Variants in DCTD observed in about 807,000 individuals in gnomAD.
DCTD encodes the protein dCMP deaminase.
In DCTD, 23 loss-of-function variants were observed where a neutral mutation model predicts 21.0. The observed-to-expected ratio is 1.09, with a 90% CI of 0.79 to 1.55. The LOEUF is 1.55. Among genes scored for constraint, DCTD ranks in the 40% most tolerant of loss-of-function variants. DCTD has a pLI of 0.00. For synonymous variants in DCTD, 71 were observed against 81.1 expected, an observed-to-expected ratio of 0.88 and a Z score of 0.67; for missense variants, 224 against 230.0, an observed-to-expected ratio of 0.97 and a Z score of 0.17.
chr4:182,900,074 G>A (rs182541680), intron 3 of DCTD, among the ~76,000 whole-genome samples: 2 of 152,242 alleles, frequency 1.3e-5, no homozygotes, highest in Admixed American at 1.3e-4. Context: ...CAGCACTTTG[G>A]GAGGCCAAGT....
intron 3 of DCTD, among the ~76,000 whole-genome samples, chr4:182,907,708 G>A (rs928459570): frequency 4.6e-5 from 7 of 152,090 alleles, no homozygotes; most frequent in African/African-American, 1.2e-4. Context: ...TGATTTGACC[G>A]AGAACGCTTT....
At chr4:182,896,903 GT>G (rs1454323015) in intron 3 of DCTD, among the ~76,000 whole-genome samples, 1 of 152,184 alleles carries the variant, frequency 6.6e-6, no homozygotes, top group East Asian at 1.9e-4. Flanking sequence ...TGATGGTGAC[GT>G]TCGGAAGTAC....
Position 182,912,118 on chromosome 4 carries a change from T to A in DCTD, c.244+2805A>T, listed in dbSNP as rs186888773. On this transcript the variant is annotated intron_variant, in intron 3 of 5. Transcript: ENST00000438320. The stretch of plus-strand genomic sequence containing the variant: ...CTCCAGGCAGTATCCCCTTATTTTT[T>A]AAATTAATTTTGAAAATCTTAAAAC... Among the ~76,000 whole-genome samples, 1,486 of 149,348 alleles carry A rather than the reference T, an allele frequency of 9.9e-3. 25 individuals are homozygous for A. The highest frequency in any genetic ancestry group is 0.034 in the African/African-American group (1,375 of 40,540).
At chr4:182,909,157 T>G in intron 3 of DCTD, among the ~76,000 whole-genome samples, 2 of 152,324 alleles carry the variant, frequency 1.3e-5, no homozygotes, top group Middle Eastern at 3.4e-3. Flanking sequence ...ACTCTGTAAC[T>G]ATAAAAATAC....
In DCTD at chr4:182,915,447, T is replaced by G; in HGVS notation, c.108+14A>C. The stretch of plus-strand genomic sequence containing the variant: ...CTGTGAGTATCTAAGCATTCTCCCG[T>G]GAAATTCATTTACCTGGGAATTTGG... On this transcript the variant is annotated intron_variant, in intron 2 of 5. Transcript: ENST00000438320. The G allele has an allele frequency of 3.9e-6, 6 of 1,522,282 alleles. No homozygotes were observed. Among genetic ancestry groups the G allele is most frequent in the African/African-American group, 2.7e-5 (2 of 73,438 alleles). The allele number at this position is 1,522,282 out of a possible 1,614,324, so 94.3% of individuals were successfully genotyped here.
chr4:182,908,682 C>CAA (rs34915632), intron 3 of DCTD, among the ~76,000 whole-genome samples: 910 of 62,882 alleles, frequency 0.014, 1 homozygote, highest in Non-Finnish European at 0.018. Context: ...GACTCTGTCT[C>CAA]AAAAAAAAAA....
At chr4:182,913,254 C>A (rs1738041564) in intron 3 of DCTD, among the ~76,000 whole-genome samples, 1 of 152,200 alleles carries the variant, frequency 6.6e-6, no homozygotes, top group Admixed American at 6.5e-5. Flanking sequence ...AGAAGACAGT[C>A]TTACCCTCCC....
chr4:182,898,136 G>A (rs1019837492), intron 3 of DCTD, among the ~76,000 whole-genome samples: 3 of 152,160 alleles, frequency 2.0e-5, no homozygotes, highest in African/African-American at 4.8e-5. Flanking sequence ...ACTGGCCATC[G>A]ACACTGATCA....
chr4:182,911,943 T>TTTTTA (rs1460075521), intron 3 of DCTD, among the ~76,000 whole-genome samples: 3 of 152,138 alleles, frequency 2.0e-5, no homozygotes, highest in Non-Finnish European at 4.4e-5. Flanking sequence ...GAGGGTCCTG[T>TTTTTA]ACATTCAAAA....
chr4:182,894,502 GA>G lies in DCTD; in HGVS notation c.347del (p.Leu116ProfsTer7). ...ALFPCNECAK[L>X]IIQAGIKEVI... The stretch of plus-strand genomic sequence containing the variant: ...CCCGGTTCCTACCTGCCTGGATGAT[GA>G]GCTTAGCGCATTCATTACAAGGGAA... On this transcript the variant is annotated frameshift_variant, in exon 4 of 6. Coordinates refer to ENST00000438320, the MANE Select transcript of DCTD (RefSeq NM_001921.3). LOFTEE classifies it high-confidence loss of function. The G allele has an allele frequency of 6.2e-7, 1 of 1,610,192 alleles. No homozygotes were observed. The highest frequency in any genetic ancestry group is 1.1e-5 in the South Asian group (1 of 90,938).
chr4:182,907,528 C>A (rs1736944347), intron 3 of DCTD, among the ~76,000 whole-genome samples: 1 of 152,120 alleles, frequency 6.6e-6, no homozygotes, highest in Admixed American at 6.5e-5. Context: ...GTCTGACTGT[C>A]CCCTCCTATT....
chr4:182,891,269 T>C lies in DCTD; in HGVS notation c.*130A>G. On this transcript the variant is annotated 3_prime_UTR_variant, in exon 6 of 6. Coordinates refer to ENST00000438320, the MANE Select transcript of DCTD (RefSeq NM_001921.3). ...AGACAGTAAGGAAGATTTGAGGCTT[T>C]ATATTCTTTAGATGCCTACTTTTGC... is the stretch of plus-strand genomic sequence containing the variant. 1.4e-6 allele frequency: 1 copy of C among 692,056 alleles called. No individual in the cohort carries two copies. Among genetic ancestry groups the C allele is most frequent in the Non-Finnish European group, 2.6e-6 (1 of 385,014 alleles). The allele number at this position is 692,056 out of a possible 1,614,324, so 42.9% of individuals were successfully genotyped here. A position where few individuals can be genotyped will look rare whatever the true frequency, so the allele number is the denominator to read the frequency against.
chr4:182,891,472 A>T lies in DCTD; in HGVS notation c.464T>A (p.Phe155Tyr). The change falls in exon 6 of 6, where the codon TTC (phenylalanine) becomes TAC (tyrosine). Residue 155 changes from phenylalanine (F) to tyrosine (Y), a missense_variant. By Grantham distance (22) the Phe-to-Tyr change is conservative (BLOSUM62 3). Transcript: ENST00000438320. ...FNMAGVTFRKFIPKCSKIVID... is the reference protein window; with the variant it reads ...FNMAGVTFRKYIPKCSKIVID... ...GACAATCTTGCTGCACTTCGGTATG[A>T]ATTTCCTAAAAATAAAAACAAAATA... 1 of 1,606,780 alleles carries T rather than the reference A, an allele frequency of 6.2e-7. No homozygotes were observed. Among genetic ancestry groups the T allele is most frequent in the African/African-American group, 1.3e-5 (1 of 74,916 alleles).
chr4:182,901,354 G>T (rs1735707160), intron 3 of DCTD, among the ~76,000 whole-genome samples: 1 of 152,192 alleles, frequency 6.6e-6, no homozygotes, highest in Non-Finnish European at 1.5e-5. Context: ...TCTAGTTCTA[G>T]TTCTGAACTC....
chr4:182,896,430 A>T (rs1734741019), intron 3 of DCTD, among the ~76,000 whole-genome samples: 1 of 152,246 alleles, frequency 6.6e-6, no homozygotes, highest in South Asian at 2.1e-4. Flanking sequence ...AAAACTGAGC[A>T]ATCTCTCCTG....
intron 5 of DCTD, among the ~76,000 whole-genome samples, chr4:182,892,360 T>A (rs1733919536): frequency 6.6e-6 from 1 of 152,156 alleles, no homozygotes; most frequent in Non-Finnish European, 1.5e-5. Flanking sequence ...AGACTTCAAA[T>A]CTCAATGCAA....
chr4:182,900,292 G>C (rs965715173), intron 3 of DCTD, among the ~76,000 whole-genome samples: 37 of 152,042 alleles, frequency 2.4e-4, no homozygotes, highest in African/African-American at 8.0e-4. Flanking sequence ...CTCCAGTCTG[G>C]GCAACAGAGC....
At chr4:182,893,177 G>T in intron 4 of DCTD, 50 bp from the exon 5 acceptor site, 2 of 1,101,410 alleles carry the variant, frequency 1.8e-6, no homozygotes, top group Non-Finnish European at 2.8e-6. Flanking sequence ...TACAGATGCT[G>T]CAAAAGACAG....
intron 3 of DCTD, among the ~76,000 whole-genome samples, chr4:182,903,505 G>A (rs9993866): frequency 1.3e-5 from 2 of 152,192 alleles, no homozygotes; most frequent in Middle Eastern, 3.4e-3. Context: ...CGCCGCATGC[G>A]TGGAAAATGT....
Sources: gnomAD v4.1 joint callset for allele counts (sites outside exome capture counted in the v4.1 genomes callset) on GRCh38, gnomAD v4.1.1 for gene constraint, MANE v1.5 for transcripts, NCBI Gene and HGNC (gene_info 2026-07-23, HGNC 2026-07-21) for gene names.